The following SAMD5 variants were observed in gnomAD, a reference collection of about 807,000 sequenced individuals.
The protein encoded by SAMD5 is sterile alpha motif domain-containing protein 5.
A neutral mutation model predicts 11.3 loss-of-function variants in SAMD5; 13 were observed. The observed-to-expected ratio is 1.15, with a 90% confidence interval of 0.75 to 1.83. The LOEUF is 1.83. SAMD5 is among the 40% of genes most tolerant of loss of function. The pLI, the probability that SAMD5 is intolerant of heterozygous loss-of-function variation, is 0.00. For synonymous variants in SAMD5, 129 were observed against 111.3 expected, an observed-to-expected ratio of 1.16 and a Z score of -1.00; for missense variants, 255 against 239.1, an observed-to-expected ratio of 1.07 and a Z score of -0.44.
At chr6:147,622,996 T>C (rs1371639975) in intron 1 of SAMD5, among the ~76,000 whole-genome samples, 1 of 152,176 alleles carries the variant, frequency 6.6e-6, no homozygotes, top group Non-Finnish European at 1.5e-5. Flanking sequence ...ACAGCCCTCA[T>C]GATTAAATTA....
At chr6:147,950,679 T>C in the SAMD5 span, among the ~76,000 whole-genome samples, 2 of 152,098 alleles carry the variant, frequency 1.3e-5, no homozygotes, top group African/African-American at 2.4e-5. Context: ...AGCTCAGGTG[T>C]TGGGGACCTT....
At chr6:147,676,790 C>G (rs1022819005) in intron 1 of SAMD5, among the ~76,000 whole-genome samples, 21 of 129,990 alleles carry the variant, frequency 1.6e-4, no homozygotes, top group African/African-American at 6.0e-4. Flanking sequence ...GAGATTGCCA[C>G]GAGCAAAGCA....
chr6:147,850,827 A>G, the SAMD5 span, among the ~76,000 whole-genome samples: 1 of 151,560 alleles, frequency 6.6e-6, no homozygotes, highest in South Asian at 2.1e-4. Context: ...CGAGTAGCAG[A>G]CTCGGTGAGC....
chr6:147,839,089 T>TA, the SAMD5 span, among the ~76,000 whole-genome samples: 1 of 152,222 alleles, frequency 6.6e-6, no homozygotes, highest in African/African-American at 2.4e-5. Flanking sequence ...CTTCCAAACT[T>TA]ACTGACTTCC....
At chr6:147,745,984 T>C in the SAMD5 span, among the ~76,000 whole-genome samples, 1 of 152,114 alleles carries the variant, frequency 6.6e-6, no homozygotes, top group Admixed American at 6.5e-5. Flanking sequence ...TCAAGTCATC[T>C]GCGCTTCTCG....
At chr6:147,830,712 T>A in the SAMD5 span, among the ~76,000 whole-genome samples, 1 of 152,174 alleles carries the variant, frequency 6.6e-6, no homozygotes, top group Admixed American at 6.5e-5. Flanking sequence ...AGGAAAAAAA[T>A]TATTCTGTTT....
At chr6:147,572,096 G>A (rs1789146283), downstream of SAMD5, among the ~76,000 whole-genome samples, 1 of 151,936 alleles carries the variant, frequency 6.6e-6, no homozygotes, top group South Asian at 2.1e-4. Flanking sequence ...CTGGCATGGT[G>A]CAGGTGCTCA....
intron 1 of SAMD5, among the ~76,000 whole-genome samples, chr6:147,647,921 C>T (rs888641355): frequency 1.3e-4 from 20 of 152,144 alleles, no homozygotes; most frequent in African/African-American, 3.6e-4. Flanking sequence ...CACTCAAACC[C>T]GTTCTTCTGT....
At chr6:147,859,645 C>G in the SAMD5 span, among the ~76,000 whole-genome samples, 1 of 152,082 alleles carries the variant, frequency 6.6e-6, no homozygotes, top group Non-Finnish European at 1.5e-5. Flanking sequence ...ACAAGAGAAC[C>G]CAGGGTGATA....
the SAMD5 span, among the ~76,000 whole-genome samples, chr6:147,915,253 C>T: frequency 4.6e-5 from 7 of 152,116 alleles, no homozygotes; most frequent in African/African-American, 1.7e-4. Flanking sequence ...GTAAGATGTA[C>T]GTTACACCCT....
chr6:147,750,491 TCC>T, the SAMD5 span, among the ~76,000 whole-genome samples: 1 of 152,258 alleles, frequency 6.6e-6, no homozygotes, highest in Non-Finnish European at 1.5e-5. Context: ...TGACTTTTCT[TCC>T]TCAGAGTAAA....
chr6:147,591,924 TC>T (rs1193000746), intron 1 of SAMD5, among the ~76,000 whole-genome samples: 2 of 152,058 alleles, frequency 1.3e-5, no homozygotes, highest in African/African-American at 4.8e-5. Context: ...AAGCAGCTCT[TC>T]TGTCTCTAGA....
At chr6:147,765,266 A>C in the SAMD5 span, among the ~76,000 whole-genome samples, 33 of 152,188 alleles carry the variant, frequency 2.2e-4, no homozygotes, top group African/African-American at 7.7e-4. Context: ...ATGAGGAATG[A>C]ACCATTTTCT....
chr6:147,713,257 A>T (rs1791423836), intron 1 of SAMD5, among the ~76,000 whole-genome samples: 1 of 152,198 alleles, frequency 6.6e-6, no homozygotes, highest in Non-Finnish European at 1.5e-5. Flanking sequence ...AAAACAAAGG[A>T]TGCAAAGGTT....
intron 1 of SAMD5, among the ~76,000 whole-genome samples, chr6:147,589,290 A>G (rs844565): frequency 0.39 from 58,607 of 151,910 alleles, 11,890 homozygotes; most frequent in African/African-American, 0.5. Context: ...GCCCGTTTTC[A>G]CTTTCAAAAG....
Position 147,580,726 on chromosome 6 carries a change from A to C in SAMD5, c.162+71339A>C, listed in dbSNP as rs1406266236. ...ATGAAAATGTCCAATTCTGTATTCTATTTCCTTGACAATATATATCTGGTG... is the reference window on the plus strand; with the variant it reads ...ATGAAAATGTCCAATTCTGTATTCTCTTTCCTTGACAATATATATCTGGTG... On this transcript the variant is annotated intron_variant, in intron 1 of 1. Transcript: ENST00000566741. Among the ~76,000 whole-genome samples the C allele has an allele frequency of 2.6e-5, 4 of 152,198 alleles. No homozygotes were observed. The East Asian group carries it at 7.7e-4, about 29-fold the overall frequency.
intron 1 of SAMD5, among the ~76,000 whole-genome samples, chr6:147,520,972 G>A (rs1253448502): frequency 6.6e-6 from 1 of 151,944 alleles, no homozygotes; most frequent in Non-Finnish European, 1.5e-5. Flanking sequence ...TGTTCATCCT[G>A]TCTAATTGAA....
the SAMD5 span, among the ~76,000 whole-genome samples, chr6:147,918,361 G>A: frequency 6.6e-6 from 1 of 152,084 alleles, no homozygotes; most frequent in African/African-American, 2.4e-5. Flanking sequence ...TTGGCTCTGT[G>A]TTTGTCTGTT....
chr6:147,521,384 A>G (rs1788250470), intron 1 of SAMD5, among the ~76,000 whole-genome samples: 1 of 152,132 alleles, frequency 6.6e-6, no homozygotes, highest in Non-Finnish European at 1.5e-5. Context: ...TATTTTTCCC[A>G]AACATAAGAA....
Sources: allele counts gnomAD v4.1 joint callset (sites outside exome capture counted in the v4.1 genomes callset), GRCh38; gene constraint gnomAD v4.1.1; transcripts MANE v1.5; gene names NCBI Gene and HGNC (gene_info 2026-07-23, HGNC 2026-07-21).